Variants in CSMD1 observed in about 807,000 individuals in gnomAD.
CSMD1 encodes the protein CUB and Sushi multiple domains 1.
CSMD1 carries 213 observed loss-of-function variants against 417.5 expected under a neutral mutation model. The ratio of observed to expected loss-of-function variants is 0.51; its 90% CI spans 0.46 to 0.57. The LOEUF is 0.57. Among genes scored for constraint, CSMD1 ranks in the 20% least tolerant of loss-of-function variants. The pLI, the probability that CSMD1 is intolerant of heterozygous loss-of-function variation, is 0.00. For missense variants in CSMD1, 6,923 were observed against 4,529.7 expected (o/e 1.53, Z -15.17); for synonymous variants, 2,862 against 1,736.8 (o/e 1.65, Z -16.11).
chr8:3,563,081 C>T (rs995175466), intron 10 of CSMD1, among the ~76,000 whole-genome samples: 1 of 151,992 alleles, frequency 6.6e-6, no homozygotes, highest in Non-Finnish European at 1.5e-5. Context: ...AGGAATTATA[C>T]AGGGTTGTAA....
At chr8:3,212,921 C>G (rs930910005) in intron 30 of CSMD1, among the ~76,000 whole-genome samples, 3 of 150,952 alleles carry the variant, frequency 2.0e-5, no homozygotes, top group Non-Finnish European at 4.4e-5. Flanking sequence ...CTCTGCCTCC[C>G]GGGTTCAAGC....
At chr8:4,868,072 T>G (rs1293517264) in intron 1 of CSMD1, among the ~76,000 whole-genome samples, 2 of 152,086 alleles carry the variant, frequency 1.3e-5, no homozygotes, top group African/African-American at 4.8e-5. Flanking sequence ...GTCTCTTATT[T>G]ACTGGAAAAA....
At chr8:4,260,616 G>A (rs1422749841) in intron 3 of CSMD1, among the ~76,000 whole-genome samples, 1 of 152,100 alleles carries the variant, frequency 6.6e-6, no homozygotes, top group South Asian at 2.1e-4. Flanking sequence ...GTGGTTTTTA[G>A]AATTTTGATA....
intron 5 of CSMD1, among the ~76,000 whole-genome samples, chr8:3,793,844 C>T (rs571868167): frequency 2.0e-5 from 3 of 152,168 alleles, no homozygotes; most frequent in African/African-American, 7.2e-5. Context: ...ACAAGAATCA[C>T]TCAATAAATA....
At chr8:4,088,599 C>A (rs564361730) in intron 3 of CSMD1, among the ~76,000 whole-genome samples, 16 of 152,138 alleles carry the variant, frequency 1.1e-4, no homozygotes, top group African/African-American at 3.6e-4. Flanking sequence ...CACATGTATT[C>A]TCTCTCTCTC....
intron 3 of CSMD1, among the ~76,000 whole-genome samples, chr8:4,296,589 G>A (rs1336861064): frequency 1.4e-5 from 2 of 144,848 alleles, no homozygotes; most frequent in African/African-American, 5.1e-5. Context: ...CAAAAGGCAG[G>A]TACATTTACT....
chr8:4,315,338 T>C (rs1798859625), intron 3 of CSMD1, among the ~76,000 whole-genome samples: 1 of 152,168 alleles, frequency 6.6e-6, no homozygotes, highest in South Asian at 2.1e-4. Flanking sequence ...CTGCTGTTGC[T>C]GCACTGTGAG....
rs1440189584 is a variant in CSMD1, at chr8:3,565,201, G to GATAC, written c.1344+9743_1344+9744insGTAT. Among the ~76,000 whole-genome samples, 148 of 115,782 alleles carry GATAC rather than the reference G, an allele frequency of 1.3e-3. 2 individuals are homozygous for GATAC. The highest frequency in any genetic ancestry group is 2.2e-3 in the Non-Finnish European group (128 of 58,780). 76.0% of individuals were successfully genotyped at this position (115,782 alleles called of 152,430 possible). ...AGAAAGAAAGATACATAGATAGACA[G>GATAC]ATAGATAGATAGAGAGATAGACAGA... is the stretch of plus-strand genomic sequence containing the variant. On this transcript the variant is annotated intron_variant, in intron 10 of 69. Transcript: ENST00000635120.
intron 4 of CSMD1, among the ~76,000 whole-genome samples, chr8:4,011,460 G>A (rs1816527735): frequency 6.6e-6 from 1 of 152,056 alleles, no homozygotes; most frequent in Admixed American, 6.6e-5. Flanking sequence ...GTCCACATTT[G>A]CGGTCTTTAA....
chr8:3,707,017 G>C (rs1380959126), intron 7 of CSMD1, among the ~76,000 whole-genome samples: 1 of 151,862 alleles, frequency 6.6e-6, no homozygotes, highest in Non-Finnish European at 1.5e-5. Context: ...TTGGAAGTGG[G>C]AGACACCTAA....
At chr8:4,959,460 G>A (rs1471541209) in intron 1 of CSMD1, among the ~76,000 whole-genome samples, 1 of 152,344 alleles carries the variant, frequency 6.6e-6, no homozygotes, top group Middle Eastern at 3.4e-3. Flanking sequence ...CATGCACAGA[G>A]AGGCAACGCC....
intron 3 of CSMD1, among the ~76,000 whole-genome samples, chr8:4,236,274 C>A (rs112115276): frequency 6.6e-6 from 1 of 151,928 alleles, no homozygotes; most frequent in Non-Finnish European, 1.5e-5. Context: ...AATTGGCACA[C>A]TGATCGGAAT....
chr8:3,267,468 T>A (rs2117127637), intron 26 of CSMD1, among the ~76,000 whole-genome samples: 1 of 152,188 alleles, frequency 6.6e-6, no homozygotes, highest in Admixed American at 6.5e-5. Flanking sequence ...TGTACACTGG[T>A]AAACAAGCTG....
At chr8:3,721,175 T>A (rs546743534) in intron 6 of CSMD1, among the ~76,000 whole-genome samples, 1 of 152,152 alleles carries the variant, frequency 6.6e-6, no homozygotes, top group African/African-American at 2.4e-5. Context: ...ACACCATTTT[T>A]TTTTCTCCAG....
intron 12 of CSMD1, among the ~76,000 whole-genome samples, chr8:3,465,676 T>G (rs1269724404): frequency 1.3e-5 from 2 of 152,126 alleles, no homozygotes; most frequent in African/African-American, 2.4e-5. Flanking sequence ...CTTGTCAAGG[T>G]TGGAGTAGGT....
chr8:3,223,989 A>T, intron 27 of CSMD1, 122 bp from the exon 28 acceptor site: 2 of 880,036 alleles, frequency 2.3e-6, no homozygotes. Context: ...TACCAGTCCA[A>T]GAGATTGTGT....
intron 33 of CSMD1, among the ~76,000 whole-genome samples, chr8:3,193,377 A>G (rs1796525847): frequency 6.6e-6 from 1 of 152,166 alleles, no homozygotes; most frequent in Non-Finnish European, 1.5e-5. Context: ...AAGTGAGGAC[A>G]CCAATTGTAA....
At chr8:3,639,092 G>A (rs1173551018) in intron 7 of CSMD1, among the ~76,000 whole-genome samples, 2 of 152,094 alleles carry the variant, frequency 1.3e-5, no homozygotes, top group Non-Finnish European at 2.9e-5. Flanking sequence ...TCCACAAATT[G>A]GAAAAATGCA....
intron 4 of CSMD1, among the ~76,000 whole-genome samples, chr8:4,022,253 C>A (rs1047995648): frequency 1.3e-5 from 2 of 150,524 alleles, no homozygotes; most frequent in African/African-American, 4.9e-5. Flanking sequence ...GTCTATGCCT[C>A]ACTATTCATT....
Sources: gnomAD v4.1 joint callset for allele counts (sites outside exome capture counted in the v4.1 genomes callset) on GRCh38, gnomAD v4.1.1 for gene constraint, MANE v1.5 for transcripts, NCBI Gene and HGNC (gene_info 2026-07-23, HGNC 2026-07-21) for gene names.